Variants in ZNF107 observed in about 807,000 individuals in gnomAD.
ZNF107 encodes the protein C2H2 type zinc-finger protein.
A neutral mutation model predicts 12.3 loss-of-function variants in ZNF107; 19 were observed. That is an observed-to-expected ratio of 1.55 (90% CI 1.08 to 2.27). The LOEUF is 2.27. Among genes scored for constraint, ZNF107 ranks in the 30% most tolerant of loss-of-function variants. ZNF107 has a pLI of 0.00. For missense variants in ZNF107, 958 were observed against 979.9 expected (o/e 0.98, Z 0.30); for synonymous variants, 317 against 330.5 (o/e 0.96, Z 0.44).
Position 64,677,851 on chromosome 7 carries a change from CAAAAA to C in ZNF107, c.3+11585_3+11589del, listed in dbSNP as rs36080718. 5.1e-5 allele frequency among the ~76,000 whole-genome samples: 4 copies of C among 77,942 alleles called. No individual in the cohort carries two copies. The East Asian group carries it at 1.2e-3, about 22-fold the overall frequency. 51.1% of individuals were successfully genotyped at this position (77,942 alleles called of 152,430 possible). A position where few individuals can be genotyped will look rare whatever the true frequency, so the allele number is the denominator to read the frequency against. ...TGGGCGACAGAGCAAGACTCTGTCT[CAAAAA>C]AAAAAAAAAAAAAAAAAAGGATGTC... On this transcript the variant is annotated intron_variant, in intron 1 of 3. Transcript: ENST00000620827.
At chr7:64,684,053 A>T (rs555674216) in intron 1 of ZNF107, among the ~76,000 whole-genome samples, 1 of 152,178 alleles carries the variant, frequency 6.6e-6, no homozygotes, top group East Asian at 1.9e-4. Flanking sequence ...CATCCAGTGG[A>T]ATCTCCACAC....
rs764222785 is a variant in ZNF107, at chr7:64,706,364, G to C, written c.267G>C (p.Gln89His). 3.1e-6 allele frequency: 5 copies of C among 1,605,514 alleles called. No individual in the cohort carries two copies. Among genetic ancestry groups the C allele is most frequent in the African/African-American group, 2.7e-5 (2 of 74,680 alleles). ...TTGCCCAAGACCTTTGGCCAGAGCA[G>C]AACATAAAAGATTCTTTCCAGAAAG... ...FHFAQDLWPEQNIKDSFQKVT... is the reference protein window; with the variant it reads ...FHFAQDLWPEHNIKDSFQKVT... The change falls in exon 4 of 4, where the codon CAG becomes CAC. Residue 89 changes from glutamine (Q) to histidine (H), a missense_variant. Gln to His is a conservative substitution (Grantham distance 24). Coordinates refer to ENST00000620827, the MANE Select transcript of ZNF107 (RefSeq NM_001282359.2).
At chr7:64,697,853 G>A (rs1198304393) in intron 3 of ZNF107, among the ~76,000 whole-genome samples, 2 of 151,904 alleles carry the variant, frequency 1.3e-5, no homozygotes, top group African/African-American at 2.4e-5. Context: ...CACCACGCCC[G>A]GCTAATTTTT....
intron 1 of ZNF107, among the ~76,000 whole-genome samples, chr7:64,671,949 A>T (rs1305056005): frequency 1.3e-5 from 2 of 150,100 alleles, no homozygotes; most frequent in Admixed American, 6.7e-5. Context: ...GCCCAGCTAA[A>T]TTTTTTTTTG....
intron 1 of ZNF107, among the ~76,000 whole-genome samples, chr7:64,681,019 T>C (rs1031383815): frequency 6.6e-6 from 1 of 152,128 alleles, no homozygotes; most frequent in Non-Finnish European, 1.5e-5. Flanking sequence ...TCCTAAGCCA[T>C]GCCCTGTTTG....
At position 64,708,237 on chromosome 7, in the gene ZNF107, T is replaced by C; in HGVS notation, c.2140T>C (p.Phe714Leu). ...PYQCAECGKA[F>L]NCSSTLNRHK... ...CCAATGTGCAGAATGTGGCAAAGCC[T>C]TTAACTGCTCCTCAACCCTTAATAG... Residue 714 changes from phenylalanine to leucine, a missense_variant, in exon 4 of 4, where the codon TTT becomes CTT. Transcript: ENST00000620827. 6.2e-7 allele frequency: 1 copy of C among 1,613,652 alleles called. No homozygotes were observed. Among genetic ancestry groups the C allele is most frequent in the Non-Finnish European group, 8.5e-7 (1 of 1,179,772 alleles).
At position 64,691,977 on chromosome 7, in the gene ZNF107, G is replaced by A; in HGVS notation, c.226+17G>A. ...AACCCCCAGGTAGGTGAGAGTGAAA[G>A]TGAATACAACAGATGACAAAGATGA... On this transcript the variant is annotated intron_variant, in intron 3 of 3. Coordinates refer to ENST00000620827, the MANE Select transcript of ZNF107 (RefSeq NM_001282359.2). The A allele has an allele frequency of 6.9e-7, 1 of 1,444,486 alleles. No homozygotes were observed. Among genetic ancestry groups the A allele is most frequent in the Non-Finnish European group, 9.2e-7 (1 of 1,084,762 alleles). 89.5% of individuals were successfully genotyped at this position (1,444,486 alleles called of 1,614,324 possible).
intron 1 of ZNF107, chr7:64,679,382 G>A (rs2128958532): frequency 1.0e-6 from 1 of 977,924 alleles, no homozygotes; most frequent in East Asian, 1.2e-4. Flanking sequence ...TCTTAGAGAG[G>A]AGAGGACACT....
At chr7:64,699,846 ACCACTAGGT>A (rs1259691396) in intron 3 of ZNF107, among the ~76,000 whole-genome samples, 2 of 151,996 alleles carry the variant, frequency 1.3e-5, no homozygotes, top group Non-Finnish European at 2.9e-5. Flanking sequence ...AGGCGGGCGG[ACCACTAGGT>A]CAGGAGATCG....
At chr7:64,680,227 C>T (rs1234522534) in intron 1 of ZNF107, among the ~76,000 whole-genome samples, 2 of 152,112 alleles carry the variant, frequency 1.3e-5, no homozygotes, top group African/African-American at 4.8e-5. Context: ...TTTCTTTCTC[C>T]CTGTCTGACC....
chr7:64,707,699 G>T lies in ZNF107; in HGVS notation c.1602G>T (p.Glu534Asp). ...LTEHKKIHTGEKPYKCEECGK... is the reference protein window; with the variant it reads ...LTEHKKIHTGDKPYKCEECGK... ...AACATAAGAAAATTCATACTGGAGA[G>T]AAACCCTATAAATGTGAGGAATGTG... The change falls in exon 4 of 4, where the codon GAG becomes GAT. Residue 534 changes from glutamate to aspartate, a missense_variant. Coordinates refer to ENST00000620827, the MANE Select transcript of ZNF107 (RefSeq NM_001282359.2). 6.2e-7 allele frequency: 1 copy of T among 1,612,836 alleles called. No homozygotes were observed. Among genetic ancestry groups the T allele is most frequent in the Non-Finnish European group, 8.5e-7 (1 of 1,179,650 alleles).
At chr7:64,675,664 C>G (rs557116290) in intron 1 of ZNF107, among the ~76,000 whole-genome samples, 1 of 152,194 alleles carries the variant, frequency 6.6e-6, no homozygotes, top group African/African-American at 2.4e-5. Flanking sequence ...TCTTGCTGCT[C>G]TCATGCTTTT....
chr7:64,695,126 A>G (rs1019804158), intron 3 of ZNF107, among the ~76,000 whole-genome samples: 2 of 152,054 alleles, frequency 1.3e-5, no homozygotes, highest in Non-Finnish European at 2.9e-5. Context: ...ATACATACAC[A>G]TATATTTTCT....
At chr7:64,698,837 A>T (rs559045521) in intron 3 of ZNF107, among the ~76,000 whole-genome samples, 166 of 152,184 alleles carry the variant, frequency 1.1e-3, no homozygotes, top group African/African-American at 3.1e-3. Context: ...GTATTTTTTT[A>T]AAATATTTTT....
At chr7:64,696,818 TA>T (rs981861390) in intron 3 of ZNF107, among the ~76,000 whole-genome samples, 25 of 151,916 alleles carry the variant, frequency 1.6e-4, no homozygotes, top group South Asian at 4.2e-4. Context: ...TTTATTTATT[TA>T]TTTTTTATTT....
intron 3 of ZNF107, among the ~76,000 whole-genome samples, chr7:64,697,252 A>G (rs1483484187): frequency 6.6e-6 from 1 of 152,086 alleles, no homozygotes; most frequent in Admixed American, 6.6e-5. Flanking sequence ...AGTCTTTGCT[A>G]TTGTGAATAG....
At chr7:64,672,814 G>A (rs2128956243) in intron 1 of ZNF107, among the ~76,000 whole-genome samples, 1 of 152,270 alleles carries the variant, frequency 6.6e-6, no homozygotes, top group Non-Finnish European at 1.5e-5. Flanking sequence ...CCAATTATGA[G>A]GTGTCTGGGT....
rs1421265447 is a variant in ZNF107 at position 64,678,051 on chromosome 7, G to A, written c.3+11766G>A. 4.6e-5 allele frequency among the ~76,000 whole-genome samples: 7 copies of A among 152,004 alleles called. No homozygotes were observed. The East Asian group carries it at 1.2e-3, about 25-fold the overall frequency. ...GATTTTTGTCTTTGTTGTTTTGAAC[G>A]ATACATAAATTATATTAACAGCTAA... is the stretch of plus-strand genomic sequence containing the variant. On this transcript the variant is annotated intron_variant, in intron 1 of 3. Coordinates refer to ENST00000620827, the MANE Select transcript of ZNF107 (RefSeq NM_001282359.2).
intron 1 of ZNF107, chr7:64,690,518 A>G (rs887523173): frequency 1.0e-5 from 10 of 984,762 alleles, no homozygotes; most frequent in Middle Eastern, 5.2e-4. Context: ...GATAAATGGG[A>G]AAAAAAGGTA....
Sources: gnomAD v4.1 joint callset for allele counts (sites outside exome capture counted in the v4.1 genomes callset) on GRCh38, gnomAD v4.1.1 for gene constraint, MANE v1.5 for transcripts, NCBI Gene and HGNC (gene_info 2026-07-23, HGNC 2026-07-21) for gene names.